Variants in GPC5 observed in about 807,000 individuals in gnomAD.
The protein encoded by GPC5 is glypican-5.
Under a neutral mutation model 53.9 loss-of-function variants are expected in GPC5, and 47 were observed. The ratio of observed to expected loss-of-function variants is 0.87; its 90% CI spans 0.69 to 1.11. The LOEUF is 1.11. GPC5 is among the 50% of genes most tolerant of loss of function. The pLI is 0.00. For synonymous variants in GPC5, 286 were observed against 263.3 expected, an observed-to-expected ratio of 1.09 and a Z score of -0.84; for missense variants, 748 against 713.1, an observed-to-expected ratio of 1.05 and a Z score of -0.56.
chr13:92,268,210 T>G (rs117530065), intron 7 of GPC5, among the ~76,000 whole-genome samples: 3,867 of 152,110 alleles, frequency 0.025, 58 homozygotes, highest in Non-Finnish European at 0.04. Context: ...AATTACTCGA[T>G]TTCACTCAAC....
chr13:91,915,137 A>G (rs1037398383), intron 6 of GPC5, among the ~76,000 whole-genome samples: 7 of 152,320 alleles, frequency 4.6e-5, no homozygotes, highest in African/African-American at 1.4e-4. Context: ...CAGAGAAACG[A>G]ACAGTTCTTG....
intron 2 of GPC5, among the ~76,000 whole-genome samples, chr13:91,646,683 A>G (rs1001216084): frequency 6.6e-6 from 1 of 152,200 alleles, no homozygotes; most frequent in Non-Finnish European, 1.5e-5. Flanking sequence ...AGACATAGAA[A>G]GGTTGATTCT....
chr13:92,129,106 G>C (rs1273178837), intron 6 of GPC5, among the ~76,000 whole-genome samples: 3 of 152,190 alleles, frequency 2.0e-5, no homozygotes, highest in African/African-American at 7.2e-5. Flanking sequence ...GCTGAATAGG[G>C]TGAAATGCTA....
intron 1 of GPC5, among the ~76,000 whole-genome samples, chr13:91,437,895 T>A (rs1473228973): frequency 1.3e-5 from 2 of 152,216 alleles, no homozygotes; most frequent in Non-Finnish European, 2.9e-5. Flanking sequence ...CCTTCCCTTC[T>A]CGCTTCATTT....
chr13:92,139,624 G>A (rs61966455), intron 6 of GPC5, among the ~76,000 whole-genome samples: 54 of 133,582 alleles, frequency 4.0e-4, no homozygotes, highest in Non-Finnish European at 6.2e-4. Flanking sequence ...CCAAGACTGC[G>A]CCATTGCTTT....
chr13:92,206,321 C>T (rs536418921), intron 7 of GPC5, among the ~76,000 whole-genome samples: 5 of 151,124 alleles, frequency 3.3e-5, no homozygotes, highest in Admixed American at 2.0e-4. Context: ...CCTGCCACCA[C>T]GCCCGGCTAA....
chr13:91,666,754 T>G (rs1227505776), intron 2 of GPC5, among the ~76,000 whole-genome samples: 1 of 152,180 alleles, frequency 6.6e-6, no homozygotes, highest in African/African-American at 2.4e-5. Flanking sequence ...TTTGTTTTTC[T>G]ACTTTAGATG....
At chr13:91,945,079 G>A (rs2039962345) in intron 6 of GPC5, among the ~76,000 whole-genome samples, 1 of 152,110 alleles carries the variant, frequency 6.6e-6, no homozygotes, top group African/African-American at 2.4e-5. Flanking sequence ...ATAATACACC[G>A]TAATATAAAT....
intron 7 of GPC5, among the ~76,000 whole-genome samples, chr13:92,227,952 G>A (rs1353498098): frequency 6.6e-6 from 1 of 152,024 alleles, no homozygotes; most frequent in Non-Finnish European, 1.5e-5. Flanking sequence ...TATGTATTAT[G>A]TATTGTATAC....
intron 1 of GPC5, among the ~76,000 whole-genome samples, chr13:91,415,528 G>A (rs1408323519): frequency 1.3e-5 from 2 of 152,076 alleles, no homozygotes; most frequent in African/African-American, 4.8e-5. Flanking sequence ...TTTCCCCAAT[G>A]AGCCACACCT....
At chr13:92,684,066 T>A (rs1189829753) in intron 7 of GPC5, among the ~76,000 whole-genome samples, 2 of 152,102 alleles carry the variant, frequency 1.3e-5, no homozygotes, top group African/African-American at 4.8e-5. Context: ...CTCTACCTAG[T>A]TATTCCTCCT....
intron 6 of GPC5, among the ~76,000 whole-genome samples, chr13:92,115,703 TTGTG>T (rs2041595250): frequency 6.6e-6 from 1 of 152,174 alleles, no homozygotes; most frequent in Non-Finnish European, 1.5e-5. Flanking sequence ...ATCCACGTTG[TTGTG>T]TGTATCAGTT....
intron 6 of GPC5, among the ~76,000 whole-genome samples, chr13:91,955,244 T>C (rs931751347): frequency 6.6e-6 from 1 of 152,170 alleles, no homozygotes; most frequent in Non-Finnish European, 1.5e-5. Flanking sequence ...TCTAAATCAA[T>C]TGGAGGAACG....
chr13:92,041,148 G>T (rs368374929), intron 6 of GPC5, among the ~76,000 whole-genome samples: 1 of 152,150 alleles, frequency 6.6e-6, no homozygotes, highest in Non-Finnish European at 1.5e-5. Flanking sequence ...CACCACACCC[G>T]ACTTTAACTC....
chr13:91,964,399 TAC>T (rs2040160829), intron 6 of GPC5, among the ~76,000 whole-genome samples: 1 of 151,976 alleles, frequency 6.6e-6, no homozygotes, highest in African/African-American at 2.4e-5. Context: ...TGGTCCATTA[TAC>T]AGAGTGCTGA....
At chr13:92,259,294 G>A (rs1235679251) in intron 7 of GPC5, among the ~76,000 whole-genome samples, 8 of 151,956 alleles carry the variant, frequency 5.3e-5, no homozygotes, top group South Asian at 2.1e-4. Flanking sequence ...TCCTCTTTCC[G>A]TTGTTTATGG....
intron 7 of GPC5, among the ~76,000 whole-genome samples, chr13:92,655,444 C>A (rs1185625028): frequency 6.6e-5 from 10 of 152,134 alleles, no homozygotes; most frequent in African/African-American, 9.7e-5. Flanking sequence ...AAGCGATTCT[C>A]TTGCCTTAGC....
intron 7 of GPC5, among the ~76,000 whole-genome samples, chr13:92,626,508 G>T (rs1408827889): frequency 6.6e-6 from 1 of 152,204 alleles, no homozygotes; most frequent in Non-Finnish European, 1.5e-5. Context: ...GATGTCTAAA[G>T]AGGATTGTAA....
chr13:91,556,934 A>G (rs1245740804), intron 2 of GPC5, among the ~76,000 whole-genome samples: 1 of 152,018 alleles, frequency 6.6e-6, no homozygotes, highest in Non-Finnish European at 1.5e-5. Flanking sequence ...TTACTCATGT[A>G]ACCAAACACC....
Sources: gnomAD v4.1 joint callset for allele counts (sites outside exome capture counted in the v4.1 genomes callset) on GRCh38, gnomAD v4.1.1 for gene constraint, MANE v1.5 for transcripts, NCBI Gene and HGNC (gene_info 2026-07-23, HGNC 2026-07-21) for gene names.